DPYSL3: variants seen among roughly 807,000 people sequenced by gnomAD.
DPYSL3 encodes the protein dihydropyrimidinase-related protein 3.
Under a neutral mutation model 66.1 loss-of-function variants are expected in DPYSL3, and 16 were observed. That is an observed-to-expected ratio of 0.24 (90% CI 0.16 to 0.37). The LOEUF (loss-of-function observed/expected upper bound fraction) is 0.37. Among genes scored for constraint, DPYSL3 ranks in the 10% least tolerant of loss-of-function variants. DPYSL3 has a pLI of 1.00. For missense variants in DPYSL3, 738 were observed against 916.2 expected (o/e 0.81, Z 2.51); for synonymous variants, 338 against 345.1 (o/e 0.98, Z 0.23).
At chr5:147,420,817 T>C (rs1043336356) in intron 2 of DPYSL3, among the ~76,000 whole-genome samples, 2 of 152,200 alleles carry the variant, frequency 1.3e-5, no homozygotes, top group Non-Finnish European at 2.9e-5. Flanking sequence ...GTCTTTCTAA[T>C]AGAAATGGCG....
At chr5:147,407,781 AT>A (rs1002188069) in intron 7 of DPYSL3, among the ~76,000 whole-genome samples, 6 of 152,176 alleles carry the variant, frequency 3.9e-5, no homozygotes, top group African/African-American at 1.4e-4. Flanking sequence ...ATTATAAATT[AT>A]TTAAATGGCA....
intron 1 of DPYSL3, among the ~76,000 whole-genome samples, chr5:147,435,388 T>C (rs1471174340): frequency 1.3e-5 from 2 of 152,194 alleles, no homozygotes; most frequent in Non-Finnish European, 2.9e-5. Flanking sequence ...TCATTCCTAT[T>C]GCATTGATGA....
intron 10 of DPYSL3, 91 bp downstream of exon 10, chr5:147,400,601 A>G (rs1264510685): frequency 2.0e-6 from 3 of 1,507,540 alleles, no homozygotes; most frequent in Non-Finnish European, 2.7e-6. Context: ...CTGCACTCGC[A>G]GTGTCACCAG....
intron 1 of DPYSL3, among the ~76,000 whole-genome samples, chr5:147,429,676 T>A (rs1752271432): frequency 6.6e-6 from 1 of 152,090 alleles, no homozygotes; most frequent in East Asian, 1.9e-4. Context: ...GTAGATTAGT[T>A]CCAATTTGAA....
chr5:147,405,177 C>T (rs1311700612), intron 8 of DPYSL3, among the ~76,000 whole-genome samples: 1 of 152,166 alleles, frequency 6.6e-6, no homozygotes. Flanking sequence ...ATTGTTGAGG[C>T]CCCTCAATCT....
intron 1 of DPYSL3, among the ~76,000 whole-genome samples, chr5:147,504,618 T>C (rs1210939270): frequency 6.6e-6 from 1 of 152,262 alleles, no homozygotes; most frequent in Non-Finnish European, 1.5e-5. Context: ...TCAATTTCTC[T>C]GAGTCACTTT....
Position 147,510,060 on chromosome 5 carries a change from G to T in DPYSL3, c.-202C>A. On this transcript the variant is annotated 5_prime_UTR_variant, in exon 1 of 14. Coordinates refer to ENST00000343218, the MANE Select transcript of DPYSL3 (RefSeq NM_001197294.2). ...CAGCCAGCTAGCGCGCGGAGCAGGG[G>T]CCCAGAGTAGCGCCGCGCTTGGCTC... 1.2e-6 allele frequency: 1 copy of T among 826,786 alleles called. No individual in the cohort carries two copies. The highest frequency in any genetic ancestry group is 1.8e-6 in the Non-Finnish European group (1 of 564,474). The allele number at this position is 826,786 out of a possible 1,614,324, so 51.2% of individuals were successfully genotyped here.
At chr5:147,430,383 G>A (rs543971284) in intron 1 of DPYSL3, among the ~76,000 whole-genome samples, 35 of 151,878 alleles carry the variant, frequency 2.3e-4, no homozygotes, top group African/African-American at 6.0e-4. Context: ...CATGGCAGGC[G>A]TCTGTAATCC....
intron 1 of DPYSL3, among the ~76,000 whole-genome samples, chr5:147,500,580 C>T (rs1165126127): frequency 2.7e-5 from 4 of 149,812 alleles, no homozygotes; most frequent in Non-Finnish European, 4.4e-5. Context: ...CACCACTACA[C>T]TCCAGCCTGG....
intron 1 of DPYSL3, among the ~76,000 whole-genome samples, chr5:147,490,807 G>C (rs1225148599): frequency 1.3e-5 from 2 of 151,984 alleles, no homozygotes; most frequent in Non-Finnish European, 1.5e-5. Flanking sequence ...AACTGCAATT[G>C]GTTAATTGCT....
At chr5:147,427,646 C>T (rs1581188536) in intron 1 of DPYSL3, among the ~76,000 whole-genome samples, 1 of 152,184 alleles carries the variant, frequency 6.6e-6, no homozygotes, top group African/African-American at 2.4e-5. Context: ...ACCAAATCTG[C>T]ATTTTATAAG....
intron 1 of DPYSL3, among the ~76,000 whole-genome samples, chr5:147,433,196 G>T (rs1752345898): frequency 6.6e-6 from 1 of 152,200 alleles, no homozygotes; most frequent in South Asian, 2.1e-4. Context: ...ACATGGGCCT[G>T]TGAGAAGCAA....
At chr5:147,437,949 C>T (rs1397071966) in intron 1 of DPYSL3, among the ~76,000 whole-genome samples, 1 of 152,184 alleles carries the variant, frequency 6.6e-6, no homozygotes, top group African/African-American at 2.4e-5. Flanking sequence ...CCTACCTTCC[C>T]TCTCCTTTAT....
In DPYSL3 at chr5:147,510,030, C is replaced by T; in HGVS notation, c.-172G>A. ...TGCTTGTCCCTAGCGAGCCAGCGAG[C>T]CACACAGCCAGCTAGCGCGCGGAGC... On this transcript the variant is annotated 5_prime_UTR_variant, in exon 1 of 14. Transcript: ENST00000343218. 1 of 1,137,502 alleles carries T rather than the reference C, an allele frequency of 8.8e-7. No homozygotes were observed. The highest frequency in any genetic ancestry group is 1.6e-5 in the African/African-American group (1 of 62,018). 70.5% of individuals were successfully genotyped at this position (1,137,502 alleles called of 1,614,324 possible).
intron 1 of DPYSL3, among the ~76,000 whole-genome samples, chr5:147,466,319 A>C (rs1753009936): frequency 6.6e-6 from 1 of 152,202 alleles, no homozygotes; most frequent in African/African-American, 2.4e-5. Flanking sequence ...GAATTGGAGA[A>C]TAGGGAGTCT....
chr5:147,399,511 T>C (rs1758109256), intron 10 of DPYSL3, among the ~76,000 whole-genome samples: 1 of 152,206 alleles, frequency 6.6e-6, no homozygotes, highest in African/African-American at 2.4e-5. Flanking sequence ...TATATGTTCT[T>C]ACATTTACTT....
intron 8 of DPYSL3, among the ~76,000 whole-genome samples, chr5:147,404,870 G>T (rs1428220524): frequency 1.3e-5 from 2 of 152,178 alleles, no homozygotes; most frequent in Admixed American, 6.5e-5. Context: ...AGTGGCTCAG[G>T]AGGTGTGACC....
intron 1 of DPYSL3, among the ~76,000 whole-genome samples, chr5:147,482,975 C>T (rs1273089410): frequency 1.3e-5 from 2 of 152,182 alleles, no homozygotes; most frequent in East Asian, 3.9e-4. Context: ...TGAGAACTCA[C>T]TATCATGAGA....
At chr5:147,406,969 C>T (rs1758339885) in intron 7 of DPYSL3, among the ~76,000 whole-genome samples, 1 of 152,146 alleles carries the variant, frequency 6.6e-6, no homozygotes, top group Non-Finnish European at 1.5e-5. Flanking sequence ...ACCTTGGAGG[C>T]CCCTGGTCAT....
Sources: gnomAD v4.1 joint callset for allele counts (sites outside exome capture counted in the v4.1 genomes callset) on GRCh38, gnomAD v4.1.1 for gene constraint, MANE v1.5 for transcripts, NCBI Gene and HGNC (gene_info 2026-07-23, HGNC 2026-07-21) for gene names.